The following MYO1D variants were observed in gnomAD, a reference collection of about 807,000 sequenced individuals.
MYO1D encodes the protein unconventional myosin-Id.
In MYO1D, 83 loss-of-function variants were observed where a neutral mutation model predicts 122.0. That is an observed-to-expected ratio of 0.68 (90% confidence interval 0.57 to 0.82). The LOEUF is 0.82. MYO1D is among the 40% of genes least tolerant of loss of function. MYO1D has a pLI of 0.00. For synonymous variants in MYO1D, 464 were observed against 446.9 expected, an observed-to-expected ratio of 1.04 and a Z score of -0.48; for missense variants, 1,157 against 1,269.5, an observed-to-expected ratio of 0.91 and a Z score of 1.35.
At chr17:32,716,708 T>C (rs2089452212) in intron 15 of MYO1D, among the ~76,000 whole-genome samples, 1 of 152,198 alleles carries the variant, frequency 6.6e-6, no homozygotes, top group African/African-American at 2.4e-5. Flanking sequence ...GCTGGTGTTG[T>C]TTGTTTCAGG....
intron 19 of MYO1D, among the ~76,000 whole-genome samples, chr17:32,646,702 A>G (rs986574393): frequency 9.8e-5 from 15 of 152,334 alleles, no homozygotes; most frequent in African/African-American, 3.4e-4. Context: ...CACTGTTTGA[A>G]AATATTACGT....
chr17:32,655,105 T>TA (rs1414535693), intron 17 of MYO1D, among the ~76,000 whole-genome samples: 2 of 152,266 alleles, frequency 1.3e-5, no homozygotes, highest in Non-Finnish European at 2.9e-5. Flanking sequence ...TCATTTTATG[T>TA]AGACAGATCT....
intron 21 of MYO1D, among the ~76,000 whole-genome samples, chr17:32,547,856 G>A (rs529587479): frequency 6.6e-6 from 1 of 152,088 alleles, no homozygotes; most frequent in Non-Finnish European, 1.5e-5. Flanking sequence ...AAGCTGAGGT[G>A]GGAGAATCAC....
intron 17 of MYO1D, 75 bp from the exon 18 acceptor site, chr17:32,654,696 CT>C (rs2150950786): frequency 1.5e-6 from 2 of 1,305,206 alleles, no homozygotes; most frequent in South Asian, 1.6e-5. Flanking sequence ...TTTTTTTTTT[CT>C]TTTTTGAGTC....
intron 15 of MYO1D, among the ~76,000 whole-genome samples, chr17:32,720,409 CAT>C (rs1187353990): frequency 1.4e-4 from 21 of 152,060 alleles, no homozygotes; most frequent in Admixed American, 1.4e-3. Context: ...CCATTTTACA[CAT>C]GAGGAAACAG....
chr17:32,763,427 T>C (rs2151018060), intron 8 of MYO1D, among the ~76,000 whole-genome samples: 1 of 152,242 alleles, frequency 6.6e-6, no homozygotes, highest in East Asian at 1.9e-4. Context: ...GTTTATGATA[T>C]GCTAAGAACA....
intron 16 of MYO1D, among the ~76,000 whole-genome samples, chr17:32,709,473 G>A (rs1177512469): frequency 1.3e-5 from 2 of 151,992 alleles, no homozygotes; most frequent in Non-Finnish European, 2.9e-5. Context: ...AGACAGAGAA[G>A]AACAGATACT....
At chr17:32,774,740 C>CT (rs1246758926) in intron 4 of MYO1D, among the ~76,000 whole-genome samples, 12 of 152,122 alleles carry the variant, frequency 7.9e-5, no homozygotes, top group African/African-American at 2.9e-4. Flanking sequence ...ATTTCCTGTC[C>CT]TTTTTCAACT....
At chr17:32,549,464 T>C (rs559224053) in intron 21 of MYO1D, among the ~76,000 whole-genome samples, 4 of 152,320 alleles carry the variant, frequency 2.6e-5, no homozygotes, top group South Asian at 2.1e-4. Flanking sequence ...GGCCACCTTC[T>C]GAAAATGTTA....
At position 32,760,407 on chromosome 17, in the gene MYO1D, A is replaced by G; in HGVS notation, c.1182-3T>C. The G allele has an allele frequency of 6.2e-7, 1 of 1,606,266 alleles. No individual in the cohort carries two copies. Among genetic ancestry groups the G allele is most frequent in the Non-Finnish European group, 8.5e-7 (1 of 1,174,172 alleles). ...AATTGATACAGAATTGTTCAAAACT[A>G]CAAGAAAAGGAATAAATTAAGTTTC... On this transcript the variant is annotated splice_polypyrimidine_tract_variant and splice_region_variant and intron_variant, in intron 9 of 21. Transcript: ENST00000318217.
At chr17:32,545,293 A>G (rs1346659885) in intron 21 of MYO1D, among the ~76,000 whole-genome samples, 1 of 152,246 alleles carries the variant, frequency 6.6e-6, no homozygotes, top group African/African-American at 2.4e-5. Flanking sequence ...AGCAATGCTC[A>G]TCTCATGGGG....
chr17:32,547,272 T>C (rs2086971977), intron 21 of MYO1D, among the ~76,000 whole-genome samples: 1 of 152,156 alleles, frequency 6.6e-6, no homozygotes, highest in East Asian at 1.9e-4. Context: ...ACATGGTATA[T>C]TGTGAATATT....
intron 21 of MYO1D, among the ~76,000 whole-genome samples, chr17:32,554,907 G>A (rs2087054788): frequency 6.6e-6 from 1 of 152,106 alleles, no homozygotes; most frequent in Non-Finnish European, 1.5e-5. Context: ...TGAGTAGCTT[G>A]GTAAGTGAAG....
chr17:32,803,685 A>G (rs572963265), intron 1 of MYO1D, among the ~76,000 whole-genome samples: 4 of 152,330 alleles, frequency 2.6e-5, no homozygotes, highest in Admixed American at 1.3e-4. Flanking sequence ...TTGCAAAACA[A>G]TGAAAAAATA....
chr17:32,750,352 G>A (rs370497319), intron 11 of MYO1D, among the ~76,000 whole-genome samples: 46 of 152,268 alleles, frequency 3.0e-4, no homozygotes, highest in East Asian at 1.4e-3. Context: ...GGTGGCTCAC[G>A]TCTGTAATCC....
chr17:32,775,731 T>C (rs994812615), intron 4 of MYO1D, 133 bp downstream of exon 4: 21 of 813,240 alleles, frequency 2.6e-5, no homozygotes, highest in Non-Finnish European at 3.1e-5. Flanking sequence ...GAATACCTTA[T>C]CATAAAAAGC....
intron 1 of MYO1D, among the ~76,000 whole-genome samples, chr17:32,822,112 T>C (rs1485283050): frequency 6.9e-6 from 1 of 145,332 alleles, no homozygotes. Context: ...TAGCAAAGAC[T>C]TGGAACCAAC....
intron 21 of MYO1D, among the ~76,000 whole-genome samples, chr17:32,558,451 G>T (rs1412485288): frequency 6.6e-6 from 1 of 152,206 alleles, no homozygotes; most frequent in East Asian, 1.9e-4. Context: ...CAGAAAATCA[G>T]TAATGCACTG....
At chr17:32,844,294 ATATAT>A (rs541142692) in intron 1 of MYO1D, among the ~76,000 whole-genome samples, 492 of 146,988 alleles carry the variant, frequency 3.3e-3, no homozygotes, top group African/African-American at 0.012. Flanking sequence ...TATCATATGT[ATATAT>A]TATAATATGC....
Sources: allele counts gnomAD v4.1 joint callset (sites outside exome capture counted in the v4.1 genomes callset), GRCh38; gene constraint gnomAD v4.1.1; transcripts MANE v1.5; gene names NCBI Gene and HGNC (gene_info 2026-07-23, HGNC 2026-07-21).